The following BAHD1 variants were observed in gnomAD, a reference collection of about 807,000 sequenced individuals.
BAHD1 encodes bromo adjacent homology domain-containing 1 protein.
BAHD1 carries 20 observed loss-of-function variants against 63.1 expected under a neutral mutation model. The observed-to-expected ratio is 0.32, with a 90% CI of 0.22 to 0.46. The LOEUF is 0.46. Among genes scored for constraint, BAHD1 ranks in the 20% least tolerant of loss-of-function variants. BAHD1 has a pLI of 1.00. For synonymous variants in BAHD1, 408 were observed against 426.8 expected, an observed-to-expected ratio of 0.96 and a Z score of 0.54; for missense variants, 939 against 1,071.8, an observed-to-expected ratio of 0.88 and a Z score of 1.73.
intron 1 of BAHD1, among the ~76,000 whole-genome samples, chr15:40,447,270 T>A (rs928934109): frequency 6.6e-6 from 1 of 151,958 alleles, no homozygotes; most frequent in Non-Finnish European, 1.5e-5. Context: ...AAAAAAGAAT[T>A]ATAAAAATGA....
chr15:40,463,821 G>A, intron 3 of BAHD1, 40 bp from the exon 4 acceptor site: 2 of 1,609,690 alleles, frequency 1.2e-6, no homozygotes, highest in South Asian at 1.1e-5. Flanking sequence ...CTCTGAGTGT[G>A]GCTCTGCAAG....
chr15:40,438,017 A>G (rs559615029), upstream of BAHD1, among the ~76,000 whole-genome samples: 106 of 152,212 alleles, frequency 7.0e-4, 1 homozygote, highest in East Asian at 0.015. Flanking sequence ...GCAGCCCGGG[A>G]AAGACTCCGG....
rs1893911089 is a variant in BAHD1 at position 40,458,389 on chromosome 15, G to A, written c.-14-62G>A. The A allele has an allele frequency of 6.6e-7, 1 of 1,509,158 alleles. No individual in the cohort carries two copies. The highest frequency in any genetic ancestry group is 8.8e-7 in the Non-Finnish European group (1 of 1,130,022). 93.5% of individuals were successfully genotyped at this position (1,509,158 alleles called of 1,614,324 possible). ...TGGGGCTGGGTAGGCTGCAGTGGGA[G>A]AGAAAGCAGGCAGGAGCAGGCCAGA... is the stretch of plus-strand genomic sequence containing the variant. On this transcript the variant is annotated intron_variant, in intron 1 of 6. Transcript: ENST00000416165. The surrounding 1 kb of genome is among the most constrained non-coding windows in gnomAD (Gnocchi z 4.7).
chr15:40,437,612 G>A (rs72733453), upstream of BAHD1, among the ~76,000 whole-genome samples: 14,284 of 152,218 alleles, frequency 0.094, 931 homozygotes, highest in Non-Finnish European at 0.13. Context: ...CTAGACTTCA[G>A]GTGCTCTGGG....
At chr15:40,464,044 C>A (rs889076303) in intron 4 of BAHD1, 24 bp downstream of exon 4, 2 of 1,612,026 alleles carry the variant, frequency 1.2e-6, no homozygotes, top group African/African-American at 1.3e-5. Flanking sequence ...TGGCTGGGGA[C>A]CCAAGGGGCA....
Position 40,462,227 on chromosome 15 carries a change from G to C in BAHD1, c.1748G>C (p.Arg583Pro), listed in dbSNP as rs1302790927. The C allele has an allele frequency of 6.2e-7, 1 of 1,611,176 alleles. No homozygotes were observed. The highest frequency in any genetic ancestry group is 8.5e-7 in the Non-Finnish European group (1 of 1,178,932). ...GTCCAGCGCCCACGCCCTCGCCGCC[G>C]CCGTCGCCGCCGCACTAATGGCTGG... Reference protein sequence around the residue: ...PRVQRPRPRRRRRRRTNGWVP... With the variant: ...PRVQRPRPRRPRRRRTNGWVP... Residue 583 changes from arginine (R) to proline (P), a missense_variant, in exon 3 of 7, where the codon CGC (arginine) becomes CCC (proline). Transcript: ENST00000416165.
rs200006033 is a variant in BAHD1 at position 40,458,855 on chromosome 15, C to T, written c.391C>T (p.Leu131=). 6.2e-7 allele frequency: 1 copy of T among 1,608,816 alleles called. No individual in the cohort carries two copies. Among genetic ancestry groups the T allele is most frequent in the African/African-American group, 1.3e-5 (1 of 74,980 alleles). The change falls in exon 2 of 7, where the codon CTG becomes TTG. Residue 131 remains leucine (L), a synonymous_variant. Transcript: ENST00000416165. The surrounding 1 kb of genome is among the most constrained non-coding windows in gnomAD (Gnocchi z 4.7). ...SLNAEALNNL[L]LEREDTSSLA... is the part of the protein sequence containing the mutation. ...CAATGCTGAAGCTCTCAATAACCTGCTGCTGGAGCGAGAGGACACCAGCAG... is the reference window on the plus strand; with the variant it reads ...CAATGCTGAAGCTCTCAATAACCTGTTGCTGGAGCGAGAGGACACCAGCAG...
At position 40,459,599 on chromosome 15, in the gene BAHD1, T is replaced by G. The variant is rs1322380155; in HGVS notation, c.1135T>G (p.Phe379Val). 6.8e-6 allele frequency: 11 copies of G among 1,614,068 alleles called. No individual in the cohort carries two copies. Among genetic ancestry groups the G allele is most frequent in the East Asian group, 2.2e-5 (1 of 44,898 alleles). The change falls in exon 2 of 7, where the codon TTC (phenylalanine) becomes GTC (valine). Residue 379 changes from phenylalanine (F) to valine (V), a missense_variant. Physicochemically the swap from Phe to Val is conservative, Grantham distance 50 (BLOSUM62 -1). Coordinates refer to ENST00000416165, the MANE Select transcript of BAHD1 (RefSeq NM_014952.5). ...GCCTGAGCTCACTGCACTAGGCAGC[T>G]TCTACCTGTACTGTGGCCAAGAGGG... ...VGPELTALGS[F>V]YLYCGQEGLQ...
chr15:40,452,218 C>G (rs914055887), intron 1 of BAHD1, among the ~76,000 whole-genome samples: 10 of 152,356 alleles, frequency 6.6e-5, no homozygotes, highest in South Asian at 2.1e-4. Flanking sequence ...AATTGAGTGC[C>G]CGCAGCAAGT....
upstream of BAHD1, among the ~76,000 whole-genome samples, chr15:40,440,746 G>C (rs990607836): frequency 1.3e-5 from 2 of 151,448 alleles, no homozygotes; most frequent in African/African-American, 4.8e-5. Context: ...CGCCTCCCCC[G>C]GCCGCCTCGT....
At chr15:40,442,221 G>A (rs1324643335) in intron 1 of BAHD1, among the ~76,000 whole-genome samples, 1 of 152,084 alleles carries the variant, frequency 6.6e-6, no homozygotes, top group Non-Finnish European at 1.5e-5. Context: ...GGCGCAGGTG[G>A]TGGCGTCGGG....
At chr15:40,455,134 A>G (rs1458741310) in intron 1 of BAHD1, among the ~76,000 whole-genome samples, 2 of 152,170 alleles carry the variant, frequency 1.3e-5, no homozygotes, top group African/African-American at 4.8e-5. Flanking sequence ...GAAAGCTAGG[A>G]GCTATTTTGC....
At chr15:40,465,214 A>G in intron 5 of BAHD1, 121 bp from the exon 6 acceptor site, 1 of 816,566 alleles carries the variant, frequency 1.2e-6, no homozygotes, top group Admixed American at 2.1e-5. Flanking sequence ...CTGAATTTCC[A>G]GGGAAGCTTG....
chr15:40,447,889 T>G (rs1234223614), intron 1 of BAHD1, among the ~76,000 whole-genome samples: 1 of 152,182 alleles, frequency 6.6e-6, no homozygotes, highest in Non-Finnish European at 1.5e-5. Flanking sequence ...TCTTTGAAGC[T>G]CTCTCATTTA....
intron 1 of BAHD1, among the ~76,000 whole-genome samples, chr15:40,449,716 G>A (rs761748311): frequency 5.9e-5 from 9 of 151,850 alleles, no homozygotes; most frequent in Non-Finnish European, 1.3e-4. Context: ...GGCTGAGGTA[G>A]GAGGATTGTT....
intron 1 of BAHD1, among the ~76,000 whole-genome samples, chr15:40,450,906 G>A (rs1327434575): frequency 6.6e-6 from 1 of 152,122 alleles, no homozygotes; most frequent in African/African-American, 2.4e-5. Context: ...GGGAATCCGA[G>A]GCAGGCAGAT....
At position 40,458,627 on chromosome 15, in the gene BAHD1, T is replaced by C. The variant is rs1566962921; in HGVS notation, c.163T>C (p.Tyr55His). ...TCACCTCACAGGGCGCCGCAAGAATTACCCACTTCGTAAGCGCCCATTGGT... is the reference window on the plus strand; with the variant it reads ...TCACCTCACAGGGCGCCGCAAGAATCACCCACTTCGTAAGCGCCCATTGGT... Reference protein sequence around the residue: ...PGHLTGRRKNYPLRKRPLVPE... With the variant: ...PGHLTGRRKNHPLRKRPLVPE... The change falls in exon 2 of 7, where the codon TAC becomes CAC. Residue 55 changes from tyrosine (Y) to histidine (H), a missense_variant. Tyr to His is a moderately conservative substitution (Grantham distance 83). Around this residue, in one of 5 missense-constraint regions of BAHD1, gnomAD observed 797 missense variants for 813.3 expected, o/e 0.98. Transcript: ENST00000416165. This position sits in a 1 kb window ranked among gnomAD's most constrained non-coding sequence, Gnocchi z 4.7. 6.2e-7 allele frequency: 1 copy of C among 1,613,876 alleles called. No homozygotes were observed. The highest frequency in any genetic ancestry group is 2.2e-5 in the East Asian group (1 of 44,856).
intron 4 of BAHD1, 156 bp downstream of exon 4, chr15:40,464,176 C>G (rs958583579): frequency 2.2e-6 from 2 of 921,664 alleles, no homozygotes; most frequent in South Asian, 3.4e-5. Flanking sequence ...TCTCTGCTGC[C>G]GAGGGCTGTG....
At chr15:40,437,739 C>T (rs1893303641), upstream of BAHD1, among the ~76,000 whole-genome samples, 1 of 152,196 alleles carries the variant, frequency 6.6e-6, no homozygotes, top group Non-Finnish European at 1.5e-5. Flanking sequence ...GTTGGGGTGC[C>T]CTGCCTGGTG....
Sources: gnomAD v4.1 joint callset for allele counts (sites outside exome capture counted in the v4.1 genomes callset) on GRCh38, gnomAD v4.1.1 for gene constraint, gnomAD v4.1.1 regional missense constraint, Gnocchi (gnomAD v3.1) non-coding constraint, MANE v1.5 for transcripts, NCBI Gene and HGNC (gene_info 2026-07-23, HGNC 2026-07-21) for gene names.